LARGE1: variants seen among roughly 807,000 people sequenced by gnomAD.
LARGE1 encodes xylosyl- and glucuronyltransferase LARGE1.
A neutral mutation model predicts 87.6 loss-of-function variants in LARGE1; 43 were observed. That is an observed-to-expected ratio of 0.49 (90% CI 0.38 to 0.63). The LOEUF is 0.63. Ranked by LOEUF, LARGE1 falls within the 30% of genes least tolerant of loss-of-function variation. The pLI, the probability that LARGE1 is intolerant of heterozygous loss-of-function variation, is 0.00. For missense variants in LARGE1, 802 were observed against 1,000.2 expected, an observed-to-expected ratio of 0.80 and a Z score of 2.67; for synonymous variants, 434 against 394.6, an observed-to-expected ratio of 1.10 and a Z score of -1.18.
intron 6 of LARGE1, among the ~76,000 whole-genome samples, chr22:33,525,658 T>C (rs762644048): frequency 6.6e-6 from 1 of 152,134 alleles, no homozygotes; most frequent in Non-Finnish European, 1.5e-5. Flanking sequence ...CCCCCCAGCA[T>C]ACTGGATCCA....
At chr22:33,885,614 G>A (rs897750924) in intron 1 of LARGE1, among the ~76,000 whole-genome samples, 23 of 152,208 alleles carry the variant, frequency 1.5e-4, no homozygotes, top group African/African-American at 5.3e-4. Context: ...AATCTAGTGA[G>A]TGACACCCAT....
intron 1 of LARGE1, among the ~76,000 whole-genome samples, chr22:33,839,153 T>C (rs1420334343): frequency 1.3e-5 from 2 of 152,214 alleles, no homozygotes; most frequent in Non-Finnish European, 1.5e-5. Flanking sequence ...ACAAGAAGCA[T>C]AGCACCCACA....
At chr22:33,819,586 G>A (rs538265666) in intron 1 of LARGE1, among the ~76,000 whole-genome samples, 1 of 152,012 alleles carries the variant, frequency 6.6e-6, no homozygotes, top group East Asian at 1.9e-4. Flanking sequence ...TCTAAGGGTT[G>A]AAGTCAACTG....
the LARGE1 span, among the ~76,000 whole-genome samples, chr22:33,081,902 A>G: frequency 6.6e-6 from 1 of 152,326 alleles, no homozygotes; most frequent in East Asian, 1.9e-4. Context: ...TATAAATGAT[A>G]AGATTCAGGG....
rs117365016 is a variant in LARGE1, at chr22:33,428,011, C to G, written c.892+4150G>C. Reference sequence around the variant, plus strand: ...TTCCTAATGTGATATAAAAAGCTAACCTTTTCAGATAGTAAAGAGATACAG... The same window carrying G: ...TTCCTAATGTGATATAAAAAGCTAAGCTTTTCAGATAGTAAAGAGATACAG... On this transcript the variant is annotated intron_variant, in intron 7 of 14. Transcript: ENST00000397394. 6.7e-3 allele frequency among the ~76,000 whole-genome samples: 1,014 copies of G among 152,272 alleles called. 10 individuals are homozygous for G. The highest frequency in any genetic ancestry group is 0.011 in the Non-Finnish European group (718 of 68,016).
chr22:33,523,977 T>C (rs2071743972), intron 6 of LARGE1, among the ~76,000 whole-genome samples: 1 of 151,638 alleles, frequency 6.6e-6, no homozygotes, highest in Admixed American at 6.6e-5. Context: ...CACTAAAATC[T>C]CCTTAAATCT....
intron 6 of LARGE1, among the ~76,000 whole-genome samples, chr22:33,490,189 G>C (rs960225578): frequency 1.3e-5 from 2 of 152,040 alleles, no homozygotes; most frequent in Admixed American, 6.6e-5. Context: ...TTATATATTC[G>C]GGTAAGTTAT....
At chr22:33,369,310 G>A (rs573696375) in intron 9 of LARGE1, among the ~76,000 whole-genome samples, 8 of 152,310 alleles carry the variant, frequency 5.3e-5, no homozygotes, top group Non-Finnish European at 7.4e-5. Context: ...AGATTGATAA[G>A]AAATAGAATG....
At chr22:33,844,645 G>A (rs184095850) in intron 1 of LARGE1, among the ~76,000 whole-genome samples, 163 of 152,056 alleles carry the variant, frequency 1.1e-3, no homozygotes, top group African/African-American at 3.1e-3. Flanking sequence ...CTTGCCTACC[G>A]TGCGAACTTG....
intron 11 of LARGE1, among the ~76,000 whole-genome samples, chr22:33,222,882 T>G (rs1005053103): frequency 3.9e-4 from 60 of 152,204 alleles, no homozygotes; most frequent in African/African-American, 1.4e-3. Context: ...GTAATGTTCC[T>G]GGACTTTTTC....
chr22:33,825,422 A>T (rs901637782), intron 1 of LARGE1, among the ~76,000 whole-genome samples: 3 of 151,716 alleles, frequency 2.0e-5, no homozygotes, highest in Admixed American at 6.6e-5. Flanking sequence ...GTAATTATAA[A>T]GGAAAGAGGT....
intron 2 of LARGE1, among the ~76,000 whole-genome samples, chr22:33,689,886 C>T (rs2082048577): frequency 6.6e-6 from 1 of 151,756 alleles, no homozygotes; most frequent in Non-Finnish European, 1.5e-5. Flanking sequence ...GAGATGGTGC[C>T]ATTGCACTCC....
chr22:33,573,656 T>A (rs762633734), intron 5 of LARGE1, among the ~76,000 whole-genome samples: 1 of 152,178 alleles, frequency 6.6e-6, no homozygotes, highest in African/African-American at 2.4e-5. Context: ...TCAGTATCCA[T>A]GACTGCACAA....
chr22:33,552,467 G>GAA (rs71320982), intron 6 of LARGE1, among the ~76,000 whole-genome samples: 204 of 150,774 alleles, frequency 1.4e-3, no homozygotes, highest in Middle Eastern at 3.4e-3. Context: ...ATTTACAAAA[G>GAA]AAAAAAAAAT....
chr22:33,559,064 T>G (rs1253214004), intron 6 of LARGE1, among the ~76,000 whole-genome samples: 1 of 152,260 alleles, frequency 6.6e-6, no homozygotes, highest in Admixed American at 6.5e-5. Flanking sequence ...ACAAAATATC[T>G]GACACCGGGT....
chr22:33,263,680 G>T (rs1927769919), intron 11 of LARGE1, among the ~76,000 whole-genome samples: 1 of 152,234 alleles, frequency 6.6e-6, no homozygotes, highest in African/African-American at 2.4e-5. Context: ...CTGGTACCTG[G>T]ACTCCTGATC....
At chr22:33,576,449 T>C (rs1394338434) in intron 5 of LARGE1, among the ~76,000 whole-genome samples, 1 of 152,110 alleles carries the variant, frequency 6.6e-6, no homozygotes, top group East Asian at 1.9e-4. Flanking sequence ...TGGTTTACCC[T>C]GACAGGAGGT....
chr22:33,467,017 G>C (rs1348386223), intron 6 of LARGE1, among the ~76,000 whole-genome samples: 1 of 152,118 alleles, frequency 6.6e-6, no homozygotes, highest in African/African-American at 2.4e-5. Context: ...ACTCCAGCCT[G>C]GGTAACAAGA....
chr22:33,265,037 A>G (rs573846917), intron 11 of LARGE1, among the ~76,000 whole-genome samples: 79 of 151,432 alleles, frequency 5.2e-4, no homozygotes, highest in Non-Finnish European at 9.1e-4. Context: ...AGTAGCTGGG[A>G]TTACAGGCAT....
Sources: gnomAD v4.1 joint callset for allele counts (sites outside exome capture counted in the v4.1 genomes callset) on GRCh38, gnomAD v4.1.1 for gene constraint, MANE v1.5 for transcripts, NCBI Gene and HGNC (gene_info 2026-07-23, HGNC 2026-07-21) for gene names.